The following HHLA2 variants were observed in gnomAD, a reference collection of about 807,000 sequenced individuals.
The protein encoded by HHLA2 is HERV-H LTR-associating protein 2.
Under a neutral mutation model 45.9 loss-of-function variants are expected in HHLA2, and 48 were observed. The ratio of observed to expected loss-of-function variants is 1.05; its 90% CI spans 0.83 to 1.33. The LOEUF (loss-of-function observed/expected upper bound fraction) is 1.33. Among genes scored for constraint, HHLA2 ranks in the 40% most tolerant of loss-of-function variants. The pLI is 0.00. For missense variants in HHLA2, 462 were observed against 494.3 expected (o/e 0.93, Z 0.62); for synonymous variants, 161 against 173.9 (o/e 0.93, Z 0.59).
chr3:108,351,680 T>C, intron 3 of HHLA2, 108 bp from the exon 3 acceptor site: 3 of 645,810 alleles, frequency 4.6e-6, no homozygotes, highest in Non-Finnish European at 8.0e-6. Context: ...CTTTACAATA[T>C]TATATTTAAT....
chr3:108,369,923 G>A (rs1466412324), intron 8 of HHLA2, among the ~76,000 whole-genome samples: 1 of 152,214 alleles, frequency 6.6e-6, no homozygotes, highest in African/African-American at 2.4e-5. Flanking sequence ...AGTAACCTCT[G>A]CAGACTTAAA....
At chr3:108,305,646 A>C (rs1461889476) in intron 1 of HHLA2, among the ~76,000 whole-genome samples, 3 of 152,056 alleles carry the variant, frequency 2.0e-5, no homozygotes, top group Non-Finnish European at 4.4e-5. Context: ...CTCCAGGTAC[A>C]TGCCTGGTTG....
chr3:108,307,789 A>G (rs989780882), intron 1 of HHLA2, among the ~76,000 whole-genome samples: 5 of 152,206 alleles, frequency 3.3e-5, no homozygotes, highest in Non-Finnish European at 7.3e-5. Context: ...CAGTTTTCCC[A>G]GTAACTTCCT....
intron 3 of HHLA2, among the ~76,000 whole-genome samples, chr3:108,333,598 C>CAA (rs5851586): frequency 3.7e-5 from 4 of 108,280 alleles, no homozygotes; most frequent in African/African-American, 1.0e-4. Context: ...TCTCAGTAAC[C>CAA]AAAAAAAAAA....
intron 8 of HHLA2, among the ~76,000 whole-genome samples, chr3:108,370,201 T>G (rs6437776): frequency 0.87 from 132,117 of 152,218 alleles, 58,851 homozygotes; most frequent in Non-Finnish European, 0.93. Flanking sequence ...AGGCAAACAG[T>G]GTCTGGGTGG....
chr3:108,306,075 G>C (rs1226303783), intron 1 of HHLA2, among the ~76,000 whole-genome samples: 1 of 152,168 alleles, frequency 6.6e-6, no homozygotes, highest in Non-Finnish European at 1.5e-5. Context: ...GATGACTTTG[G>C]TGCAAGGGTT....
intron 7 of HHLA2, among the ~76,000 whole-genome samples, chr3:108,361,473 C>G (rs1422642602): frequency 1.1e-4 from 16 of 151,896 alleles, no homozygotes; most frequent in Non-Finnish European, 4.4e-5. Context: ...AGAATGGCCT[C>G]AAAGCACAAG....
chr3:108,371,874 A>G (rs2082181283), intron 8 of HHLA2, among the ~76,000 whole-genome samples: 1 of 152,124 alleles, frequency 6.6e-6, no homozygotes, highest in African/African-American at 2.4e-5. Context: ...CACAATAATA[A>G]TGGGAGACTT....
chr3:108,353,611 C>T, exon 5 of HHLA2: 1 of 1,613,712 alleles, frequency 6.2e-7, no homozygotes, highest in Non-Finnish European at 8.5e-7. Flanking sequence ...ATTTGGAAAG[C>T]CAAGATCCCA....
intron 1 of HHLA2, among the ~76,000 whole-genome samples, chr3:108,303,786 T>C (rs1428135907): frequency 2.6e-5 from 4 of 152,170 alleles, no homozygotes; most frequent in Non-Finnish European, 4.4e-5. Flanking sequence ...ATTAAATCAG[T>C]TCTGACATAG....
At chr3:108,352,061 T>C (rs886107633) in intron 4 of HHLA2, among the ~76,000 whole-genome samples, 184 bp downstream of exon 3, 3 of 152,202 alleles carry the variant, frequency 2.0e-5, no homozygotes, top group African/African-American at 7.2e-5. Context: ...ATATATTTTT[T>C]CTGTCCACTC....
At chr3:108,356,898 A>C (rs1484813426) in intron 6 of HHLA2, among the ~76,000 whole-genome samples, 2 of 152,208 alleles carry the variant, frequency 1.3e-5, no homozygotes, top group Non-Finnish European at 2.9e-5. Context: ...AAGTTGCATA[A>C]GGGTAGAATT....
chr3:108,341,598 T>C (rs2081572699), intron 3 of HHLA2, among the ~76,000 whole-genome samples: 1 of 94,034 alleles, frequency 1.1e-5, no homozygotes, highest in African/African-American at 5.2e-5. Context: ...CATTGATTTA[T>C]TTAAACAAAC....
intron 8 of HHLA2, among the ~76,000 whole-genome samples, chr3:108,363,666 A>G (rs1268289841): frequency 6.6e-6 from 1 of 152,166 alleles, no homozygotes; most frequent in Non-Finnish European, 1.5e-5. Flanking sequence ...ACGAAGATCA[A>G]CCGTTGACCT....
intron 8 of HHLA2, among the ~76,000 whole-genome samples, chr3:108,373,978 C>T (rs1462325881): frequency 3.3e-5 from 5 of 151,360 alleles, no homozygotes; most frequent in Admixed American, 6.6e-5. Flanking sequence ...GAAGAAACTA[C>T]TTTAAAGTTC....
rs1159750992 is a variant in HHLA2, at chr3:108,355,395, G to A, written c.685+14G>A. 6.2e-7 allele frequency: 1 copy of A among 1,608,950 alleles called. No homozygotes were observed. The highest frequency in any genetic ancestry group is 8.5e-7 in the Non-Finnish European group (1 of 1,176,856). On this transcript the variant is annotated intron_variant, in intron 6 of 10. Transcript: ENST00000619531. ...GGACGATGAAAGGTAGGCTCCACAG[G>A]ACTTTCTGTGTACACGTGCTGTTTC...
chr3:108,331,777 T>C (rs2081390488), intron 3 of HHLA2, among the ~76,000 whole-genome samples: 1 of 152,192 alleles, frequency 6.6e-6, no homozygotes, highest in Admixed American at 6.5e-5. Flanking sequence ...ATCAAAGTTT[T>C]CTTTACTCTT....
intron 2 of HHLA2, among the ~76,000 whole-genome samples, chr3:108,317,715 C>CA (rs1417600206): frequency 6.6e-6 from 1 of 151,786 alleles, no homozygotes; most frequent in Non-Finnish European, 1.5e-5. Context: ...GCTGGGATCA[C>CA]AGGCACGCAC....
chr3:108,355,608 T>C (rs1003233319), intron 6 of HHLA2, among the ~76,000 whole-genome samples: 13 of 152,214 alleles, frequency 8.5e-5, no homozygotes, highest in African/African-American at 3.1e-4. Context: ...ATAGAAGTAA[T>C]TCTTACCTTG....
Sources: allele counts gnomAD v4.1 joint callset (sites outside exome capture counted in the v4.1 genomes callset), GRCh38; gene constraint gnomAD v4.1.1; transcripts MANE v1.5; gene names NCBI Gene and HGNC (gene_info 2026-07-23, HGNC 2026-07-21).